POU6F2: variants seen among roughly 807,000 people sequenced by gnomAD.
POU6F2 encodes the protein POU class 6 homeobox 2, also known as POU domain, class 6, transcription factor 2.
POU6F2 carries 31 observed loss-of-function variants against 71.3 expected under a neutral mutation model. The observed-to-expected ratio is 0.43, with a 90% CI of 0.33 to 0.59. The LOEUF is 0.59. POU6F2 is among the 20% of genes least tolerant of loss of function. POU6F2 has a pLI of 0.04. For missense variants in POU6F2, 783 were observed against 856.8 expected (o/e 0.91, Z 1.07); for synonymous variants, 347 against 355.7 (o/e 0.98, Z 0.27).
intron 4 of POU6F2, among the ~76,000 whole-genome samples, chr7:39,334,671 AG>A (rs1051553973): frequency 2.6e-5 from 4 of 152,186 alleles, no homozygotes; most frequent in African/African-American, 9.6e-5. Flanking sequence ...GGACACCAGA[AG>A]GGGTTTCTGA....
chr7:39,112,598 A>T (rs1700552226), intron 2 of POU6F2, among the ~76,000 whole-genome samples: 1 of 152,198 alleles, frequency 6.6e-6, no homozygotes, highest in African/African-American at 2.4e-5. Flanking sequence ...GAAATTGCTT[A>T]CAGCATAAGA....
At chr7:39,166,452 T>C (rs1793117650) in intron 2 of POU6F2, among the ~76,000 whole-genome samples, 1 of 152,206 alleles carries the variant, frequency 6.6e-6, no homozygotes, top group Non-Finnish European at 1.5e-5. Context: ...GAATTATGGA[T>C]ACCAGAGAAG....
chr7:39,227,789 C>T (rs536108261), intron 4 of POU6F2, among the ~76,000 whole-genome samples: 2 of 152,188 alleles, frequency 1.3e-5, no homozygotes, highest in South Asian at 4.1e-4. Flanking sequence ...GATCTTCTGA[C>T]CTCATGATCT....
At chr7:39,412,400 A>G (rs1787567750) in intron 6 of POU6F2, among the ~76,000 whole-genome samples, 1 of 152,242 alleles carries the variant, frequency 6.6e-6, no homozygotes, top group Non-Finnish European at 1.5e-5. Flanking sequence ...AGTAAATGCA[A>G]ATCTCAGCCA....
intron 1 of POU6F2, among the ~76,000 whole-genome samples, chr7:39,012,774 A>G (rs747412077): frequency 0.011 from 1,601 of 149,544 alleles, 10 homozygotes; most frequent in African/African-American, 0.013. Flanking sequence ...GTCTGTTGGA[A>G]TACCCTGCCG....
Position 39,186,534 on chromosome 7 carries a change from C to T in POU6F2, c.278-17701C>T, listed in dbSNP as rs137881328. Among the ~76,000 whole-genome samples the T allele has an allele frequency of 3.5e-3, 534 of 152,228 alleles. 4 individuals are homozygous for T. The highest frequency in any genetic ancestry group is 0.012 in the African/African-American group (511 of 41,524). ...TTGGGGATGCACATTCAGACACCAC[C>T]TCAGCCTTTGTATAGATTCCTCAGC... On this transcript the variant is annotated intron_variant, in intron 2 of 9. Coordinates refer to ENST00000518318, the MANE Select transcript of POU6F2 (RefSeq NM_001370959.1).
At chr7:39,379,234 A>T (rs2115786936) in intron 5 of POU6F2, among the ~76,000 whole-genome samples, 1 of 152,298 alleles carries the variant, frequency 6.6e-6, no homozygotes, top group Middle Eastern at 3.4e-3. Flanking sequence ...ATTTGTCTGG[A>T]GGTTAGGCCC....
intron 2 of POU6F2, among the ~76,000 whole-genome samples, chr7:39,173,083 T>C (rs1177746529): frequency 1.3e-5 from 2 of 152,224 alleles, no homozygotes; most frequent in African/African-American, 2.4e-5. Flanking sequence ...GAATGCAATA[T>C]ACCCAAAAGA....
Position 39,233,507 on chromosome 7 carries a change from T to C in POU6F2, c.598+25887T>C, listed in dbSNP as rs1399760470. On this transcript the variant is annotated intron_variant, in intron 4 of 9. Transcript: ENST00000518318. The stretch of plus-strand genomic sequence containing the variant: ...CATTCTCTGGGACTTGTAGGAAGGG[T>C]CTGTCCCGAGGCTGATCTACTTCCC... Among the ~76,000 whole-genome samples, 11 of 152,216 alleles carry C rather than the reference T, an allele frequency of 7.2e-5. No homozygotes were observed. In the East Asian group the frequency reaches 2.1e-3, roughly 29 times the overall value.
rs146519578 is a variant in POU6F2 at position 38,998,933 on chromosome 7, G to C, written c.105+20875G>C. ...CCCGCCTCGGCCTCACAAAGTGCTG[G>C]GATTACAGGCGTGAGCCACTGCACC... On this transcript the variant is annotated intron_variant, in intron 1 of 9. Transcript: ENST00000518318. Among the ~76,000 whole-genome samples the C allele has an allele frequency of 6.3e-3, 953 of 151,716 alleles. 8 individuals are homozygous for C. Among genetic ancestry groups the C allele is most frequent in the African/African-American group, 0.022 (908 of 41,310 alleles).
intron 2 of POU6F2, among the ~76,000 whole-genome samples, chr7:39,190,631 CTTTTTTTTTTTTTTTT>C (rs58654872): frequency 2.7e-5 from 2 of 74,202 alleles, no homozygotes; most frequent in African/African-American, 6.2e-5. Flanking sequence ...GAGTCAACTT[CTTTTTTTTTTTTTTTT>C]TTTTTTTTTT....
At chr7:39,413,967 C>G (rs1787613378) in intron 6 of POU6F2, among the ~76,000 whole-genome samples, 1 of 152,192 alleles carries the variant, frequency 6.6e-6, no homozygotes, top group Non-Finnish European at 1.5e-5. Flanking sequence ...ACGACGGTCC[C>G]CTGGTCCGAG....
At chr7:38,984,230 A>G (rs944738138) in intron 1 of POU6F2, 1 of 152,086 alleles carries the variant, frequency 6.6e-6, no homozygotes, top group Non-Finnish European at 1.5e-5. Context: ...ACGTGTTGAC[A>G]CCTTTAATGA....
At chr7:39,164,254 G>A (rs1793063621) in intron 2 of POU6F2, among the ~76,000 whole-genome samples, 1 of 150,780 alleles carries the variant, frequency 6.6e-6, no homozygotes, top group Admixed American at 6.6e-5. Context: ...TTCAAACATA[G>A]CAGTTAAACC....
At chr7:39,174,475 T>C (rs1471885603) in intron 2 of POU6F2, among the ~76,000 whole-genome samples, 1 of 152,206 alleles carries the variant, frequency 6.6e-6, no homozygotes, top group Non-Finnish European at 1.5e-5. Flanking sequence ...TGTATTCATA[T>C]ATTACTGTGA....
At chr7:39,301,526 T>C (rs4236357) in intron 4 of POU6F2, among the ~76,000 whole-genome samples, 104,306 of 152,056 alleles carry the variant, frequency 0.69, 35,823 homozygotes, top group Admixed American at 0.77. Context: ...TGAGTGTGTG[T>C]GTGTGAAACC....
chr7:39,319,547 A>G (rs1050013764), intron 4 of POU6F2, among the ~76,000 whole-genome samples: 8 of 152,128 alleles, frequency 5.3e-5, no homozygotes, highest in Non-Finnish European at 7.4e-5. Context: ...CTCAGACACA[A>G]TCTCAGGTGG....
At chr7:39,052,742 CT>C (rs1305111333) in intron 1 of POU6F2, among the ~76,000 whole-genome samples, 1 of 152,130 alleles carries the variant, frequency 6.6e-6, no homozygotes, top group East Asian at 1.9e-4. Context: ...CACTATGGTG[CT>C]CTTCTTCCTT....
chr7:39,012,058 T>C (rs1267478333), intron 1 of POU6F2, among the ~76,000 whole-genome samples: 1 of 152,090 alleles, frequency 6.6e-6, no homozygotes, highest in East Asian at 1.9e-4. Flanking sequence ...TCCCTGAATC[T>C]GAACGTTGGC....
Sources: allele counts gnomAD v4.1 joint callset (sites outside exome capture counted in the v4.1 genomes callset), GRCh38; gene constraint gnomAD v4.1.1; transcripts MANE v1.5; gene names NCBI Gene and HGNC (gene_info 2026-07-23, HGNC 2026-07-21).